AP1B1: variants seen among roughly 807,000 people sequenced by gnomAD.
The protein encoded by AP1B1 is adaptor related protein complex 1 subunit beta 1, also known as AP-1 complex subunit beta-1.
In AP1B1, 36 loss-of-function variants were observed where a neutral mutation model predicts 104.3. The ratio of observed to expected loss-of-function variants is 0.35; its 90% CI spans 0.26 to 0.46. The LOEUF is 0.46. AP1B1 is among the 20% of genes least tolerant of loss of function. The pLI is 1.00. For missense variants in AP1B1, 901 were observed against 1,247.9 expected (o/e 0.72, Z 4.19); for synonymous variants, 504 against 517.5 (o/e 0.97, Z 0.35).
rs1293694131 is a variant in AP1B1, at chr22:29,365,155, C to A, written c.38-2049G>T. ...ACGTATAGCCAATGCTGGTAGGGGG[C>A]AGGGCTGAAACTGAAAACCAGGTCT... On this transcript the variant is annotated intron_variant, in intron 2 of 22. Transcript: ENST00000357586. 6.6e-5 allele frequency among the ~76,000 whole-genome samples: 10 copies of A among 152,300 alleles called. 2 individuals are homozygous for A. Among genetic ancestry groups the A allele is most frequent in the African/African-American group, 2.4e-4 (10 of 41,558 alleles).
chr22:29,330,740 C>A (rs759899475), intron 19 of AP1B1, 31 bp from the exon 20 acceptor site: 1 of 1,584,054 alleles, frequency 6.3e-7, no homozygotes, highest in African/African-American at 1.3e-5. Context: ...GGATGAGAGG[C>A]GAGCCCCTCA....
At chr22:29,329,796 G>T in intron 21 of AP1B1, 76 bp from the exon 22 acceptor site, 1 of 1,602,554 alleles carries the variant, frequency 6.2e-7, no homozygotes, top group South Asian at 1.1e-5. Flanking sequence ...CACCACCGAA[G>T]CCACGCCACA....
chr22:29,342,211 T>TAGTGCCTGGGACAAA, intron 12 of AP1B1, 74 bp downstream of exon 12: 1 of 1,274,032 alleles, frequency 7.8e-7, no homozygotes, highest in Non-Finnish European at 1.1e-6. Context: ...CTTCCAGGTC[T>TAGTGCCTGGGACAAA]AGTTCCTGGG....
intron 14 of AP1B1, 27 bp downstream of exon 14, chr22:29,340,629 A>C: frequency 6.6e-7 from 1 of 1,508,534 alleles, no homozygotes. Context: ...CATTATCAAC[A>C]TCATCCAGAG....
chr22:29,356,696 G>A (rs929293998), intron 5 of AP1B1, 80 bp from the exon 6 acceptor site: 9 of 1,350,162 alleles, frequency 6.7e-6, no homozygotes, highest in Non-Finnish European at 8.3e-6. Flanking sequence ...ATGCTGGCTG[G>A]TCAGAGGTCA....
At chr22:29,329,745 A>G (rs1466582653) in intron 21 of AP1B1, 25 bp from the exon 22 acceptor site, 2 of 1,613,526 alleles carry the variant, frequency 1.2e-6, no homozygotes. Context: ...CCAGCAGGGA[A>G]GGTGACATGC....
chr22:29,338,932 C>A, intron 16 of AP1B1, 58 bp downstream of exon 16: 2 of 1,603,532 alleles, frequency 1.2e-6, no homozygotes, highest in Non-Finnish European at 1.7e-6. Context: ...AAGGAGCCCA[C>A]ATGCCAGTCT....
At chr22:29,373,599 GTAAAT>G (rs1214905545) in intron 1 of AP1B1, among the ~76,000 whole-genome samples, 1 of 152,130 alleles carries the variant, frequency 6.6e-6, no homozygotes, top group Non-Finnish European at 1.5e-5. Context: ...GTCACTTGGT[GTAAAT>G]TAAACAGACA....
In AP1B1 at chr22:29,338,988, A is replaced by T. The variant is rs1602701600; in HGVS notation, c.2163+2T>A. ...CGCCAAGACAGAAGACAAGTGACTTACTGCTTTGGGGGCCACATATGATCC... is the reference window on the plus strand; with the variant it reads ...CGCCAAGACAGAAGACAAGTGACTTTCTGCTTTGGGGGCCACATATGATCC... On this transcript the variant is annotated splice_donor_variant, in intron 16 of 22. Transcript: ENST00000357586. LOFTEE classifies it high-confidence loss of function. 6.2e-7 allele frequency: 1 copy of T among 1,614,068 alleles called. No individual in the cohort carries two copies. Among genetic ancestry groups the T allele is most frequent in the East Asian group, 2.2e-5 (1 of 44,892 alleles).
At chr22:29,330,115 C>A (rs1263837979) in intron 21 of AP1B1, 5 of 1,419,094 alleles carry the variant, frequency 3.5e-6, no homozygotes. Context: ...GGTGCCAAAC[C>A]AACTGCACCA....
chr22:29,382,617 A>G (rs2062455083), intron 1 of AP1B1, among the ~76,000 whole-genome samples: 1 of 152,086 alleles, frequency 6.6e-6, no homozygotes, highest in African/African-American at 2.4e-5. Flanking sequence ...GAGGATAGGG[A>G]GGGGAGAGGG....
intron 6 of AP1B1, 81 bp downstream of exon 6, chr22:29,356,345 C>T: frequency 1.4e-6 from 2 of 1,430,702 alleles, no homozygotes; most frequent in Admixed American, 2.3e-5. Context: ...CCCACTAAGG[C>T]CCAAGGCCCA....
rs545954891 is a variant in AP1B1, at chr22:29,339,132, A to G, written c.2021T>C (p.Ile674Thr). ...DSLMGDEPEG[I>T]GGTNFVAPPT... ...AGGTGCCACGAAGTTGGTGCCCCCA[A>G]TCTGGAAAGGGAGGGAAAGAGTCAG... Residue 674 changes from isoleucine to threonine, a missense_variant and splice_region_variant, in exon 16 of 23, where the codon ATT becomes ACT. Physicochemically the swap from Ile to Thr is moderately conservative, Grantham distance 89. Around this residue, in one of 3 missense-constraint regions of AP1B1, gnomAD observed 424 missense variants for 494.0 expected, o/e 0.86. Coordinates refer to ENST00000357586, the MANE Select transcript of AP1B1 (RefSeq NM_001127.4). 5 of 1,614,126 alleles carry G rather than the reference A, an allele frequency of 3.1e-6. No homozygotes were observed. Among genetic ancestry groups the G allele is most frequent in the Non-Finnish European group, 2.5e-6 (3 of 1,180,022 alleles).
intron 1 of AP1B1, among the ~76,000 whole-genome samples, chr22:29,374,987 A>G (rs556399727): frequency 3.9e-5 from 6 of 152,244 alleles, no homozygotes; most frequent in Non-Finnish European, 8.8e-5. Context: ...GTAAGACCCC[A>G]ACTCTATACA....
At chr22:29,363,506 G>C (rs1666722684) in intron 2 of AP1B1, among the ~76,000 whole-genome samples, 1 of 152,022 alleles carries the variant, frequency 6.6e-6, no homozygotes, top group Non-Finnish European at 1.5e-5. Context: ...AAATTAGCCG[G>C]GCATAGTGGC....
At chr22:29,341,325 C>A (rs1316736019) in intron 13 of AP1B1, among the ~76,000 whole-genome samples, 176 bp downstream of exon 13, 1 of 152,256 alleles carries the variant, frequency 6.6e-6, no homozygotes, top group Non-Finnish European at 1.5e-5. Flanking sequence ...TGTCGTTAGG[C>A]TGGAATGAGG....
rs2061833901 is a variant in AP1B1, at chr22:29,349,067, A to T, written c.1437+151T>A. The stretch of plus-strand genomic sequence containing the variant: ...CTCGACTGTACTGCAGTGAGGAGGA[A>T]AAGGGGCGGTGTCCATTACGCGCAC... On this transcript the variant is annotated intron_variant, in intron 11 of 22. Coordinates refer to ENST00000357586, the MANE Select transcript of AP1B1 (RefSeq NM_001127.4). The T allele has an allele frequency of 4.6e-6, 4 of 877,700 alleles. No individual in the cohort carries two copies. The East Asian group carries it at 1.1e-4, about 24-fold the overall frequency. The allele number at this position is 877,700 out of a possible 1,614,324, so 54.4% of individuals were successfully genotyped here. A position where few individuals can be genotyped will look rare whatever the true frequency, so the allele number is the denominator to read the frequency against.
intron 1 of AP1B1, among the ~76,000 whole-genome samples, chr22:29,381,983 C>G (rs1159160655): frequency 1.3e-5 from 2 of 151,750 alleles, no homozygotes; most frequent in Non-Finnish European, 2.9e-5. Flanking sequence ...AAGATAACTT[C>G]CCTTCAGCGT....
intron 2 of AP1B1, among the ~76,000 whole-genome samples, chr22:29,365,084 T>C (rs2062112320): frequency 6.6e-6 from 1 of 152,166 alleles, no homozygotes; most frequent in African/African-American, 2.4e-5. Context: ...CTCACAACTC[T>C]GCATTTCCCT....
Sources: gnomAD v4.1 joint callset for allele counts (sites outside exome capture counted in the v4.1 genomes callset) on GRCh38, gnomAD v4.1.1 for gene constraint, gnomAD v4.1.1 regional missense constraint, MANE v1.5 for transcripts, NCBI Gene and HGNC (gene_info 2026-07-23, HGNC 2026-07-21) for gene names.